The following C10orf67 variants were observed in gnomAD, a reference collection of about 807,000 sequenced individuals.
C10orf67 encodes the protein uncharacterized protein C10orf67, mitochondrial.
Under a neutral mutation model 35.6 loss-of-function variants are expected in C10orf67, and 60 were observed. The observed-to-expected ratio is 1.68, with a 90% CI of 1.37 to 2.09. C10orf67 has a LOEUF of 2.09. Ranked by LOEUF, C10orf67 falls within the 30% of genes most tolerant of loss-of-function variation. C10orf67 has a pLI of 0.00. For synonymous variants in C10orf67, 167 were observed against 115.8 expected, an observed-to-expected ratio of 1.44 and a Z score of -2.84; for missense variants, 474 against 330.2, an observed-to-expected ratio of 1.44 and a Z score of -3.38.
intron 15 of C10orf67, among the ~76,000 whole-genome samples, chr10:23,204,646 C>G (rs766282090): frequency 1.2e-4 from 18 of 152,152 alleles, no homozygotes; most frequent in Non-Finnish European, 1.5e-5. Context: ...TTTGATTTTT[C>G]CAAGTTTTAA....
At chr10:23,323,096 G>A (rs901144204) in intron 2 of C10orf67, among the ~76,000 whole-genome samples, 8 of 152,134 alleles carry the variant, frequency 5.3e-5, no homozygotes, top group Admixed American at 2.0e-4. Context: ...TAAAAGACAA[G>A]AGTTTCCTAG....
At chr10:23,309,338 C>G (rs71493317) in intron 4 of C10orf67, among the ~76,000 whole-genome samples, 4 of 152,048 alleles carry the variant, frequency 2.6e-5, no homozygotes, top group Non-Finnish European at 2.9e-5. Flanking sequence ...AGCTAAACAA[C>G]GGGTACACAT....
At position 23,320,794 on chromosome 10, in the gene C10orf67, A is replaced by AT; in HGVS notation, c.492dup (p.Ser165IlefsTer8). The AT allele has an allele frequency of 6.3e-7, 1 of 1,587,056 alleles. No individual in the cohort carries two copies. The highest frequency in any genetic ancestry group is 8.6e-7 in the Non-Finnish European group (1 of 1,165,590). On this transcript the variant is annotated frameshift_variant, in exon 4 of 16. Transcript: ENST00000636213. LOFTEE classifies it high-confidence loss of function. ...GCATCAGCTAACTGCTGATTGAAGG[A>AT]TTTTCTCATCTTATCCTCATTCTGC...
At chr10:23,233,883 T>C (rs1366218301) in intron 13 of C10orf67, among the ~76,000 whole-genome samples, 1 of 152,144 alleles carries the variant, frequency 6.6e-6, no homozygotes, top group African/African-American at 2.4e-5. Flanking sequence ...ACAAGTAAAA[T>C]GCAGTTCATA....
In C10orf67 at chr10:23,203,387, A is replaced by G. The variant is rs1841072724; in HGVS notation, c.*786T>C. ...AGTATATCAGCTTTATGTGACAACT[A>G]CCACAAATATATTTCCTGAGACTTA... On this transcript the variant is annotated 3_prime_UTR_variant, in exon 16 of 16. Coordinates refer to ENST00000636213, the MANE Select transcript of C10orf67 (RefSeq NM_001371909.1). The G allele has an allele frequency of 6.6e-6, 1 of 152,220 alleles. No individual in the cohort carries two copies. The highest frequency in any genetic ancestry group is 2.4e-5 in the African/African-American group (1 of 41,462). The allele number at this position is 152,220 out of a possible 1,614,324, so 9.4% of individuals were successfully genotyped here. A position where few individuals can be genotyped will look rare whatever the true frequency, so the allele number is the denominator to read the frequency against.
At chr10:23,238,539 C>A (rs11013346) in intron 13 of C10orf67, among the ~76,000 whole-genome samples, 4,902 of 152,256 alleles carry the variant, frequency 0.032, 245 homozygotes, top group African/African-American at 0.11. Context: ...GGATCTACTC[C>A]TGTGCTTGAA....
intron 8 of C10orf67, among the ~76,000 whole-genome samples, chr10:23,270,697 G>A (rs185323465): frequency 6.6e-6 from 1 of 152,354 alleles, no homozygotes; most frequent in African/African-American, 2.4e-5. Context: ...TTCCCAGGGG[G>A]AGAGGCGGCT....
At chr10:23,342,149 G>C (rs1333677240) in intron 1 of C10orf67, among the ~76,000 whole-genome samples, 1 of 151,880 alleles carries the variant, frequency 6.6e-6, no homozygotes, top group East Asian at 1.9e-4. Context: ...GGGTGACAGA[G>C]TGAGACCCTG....
chr10:23,307,954 T>C (rs1175818071), intron 4 of C10orf67, among the ~76,000 whole-genome samples: 3 of 152,320 alleles, frequency 2.0e-5, no homozygotes, highest in Non-Finnish European at 4.4e-5. Flanking sequence ...TGATTATGTA[T>C]ATCTAGTCTT....
At chr10:23,206,002 A>G (rs892790589) in intron 15 of C10orf67, among the ~76,000 whole-genome samples, 1 of 152,230 alleles carries the variant, frequency 6.6e-6, no homozygotes, top group Non-Finnish European at 1.5e-5. Flanking sequence ...ATAAATTGCA[A>G]TTCAAAAGCA....
chr10:23,231,595 G>A (rs140284084), intron 13 of C10orf67, among the ~76,000 whole-genome samples: 1 of 152,258 alleles, frequency 6.6e-6, no homozygotes, highest in African/African-American at 2.4e-5. Context: ...AATCACAGCA[G>A]CTTACCCATA....
intron 15 of C10orf67, among the ~76,000 whole-genome samples, chr10:23,221,978 T>A (rs567616267): frequency 6.6e-6 from 1 of 152,350 alleles, no homozygotes; most frequent in South Asian, 2.1e-4. Flanking sequence ...AGGCATCTGG[T>A]GTGAGCATTT....
At chr10:23,272,507 A>G (rs921315809) in intron 8 of C10orf67, among the ~76,000 whole-genome samples, 12 of 152,256 alleles carry the variant, frequency 7.9e-5, no homozygotes, top group African/African-American at 2.7e-4. Context: ...TATATGATCC[A>G]TAAGTTCTAC....
intron 12 of C10orf67, among the ~76,000 whole-genome samples, chr10:23,245,156 A>G (rs560798585): frequency 6.6e-6 from 1 of 152,316 alleles, no homozygotes; most frequent in South Asian, 2.1e-4. Context: ...GGGTATCTAC[A>G]TGAAAAAGGA....
intron 12 of C10orf67, among the ~76,000 whole-genome samples, chr10:23,240,207 C>T (rs998292932): frequency 6.6e-6 from 1 of 150,730 alleles, no homozygotes; most frequent in East Asian, 1.9e-4. Context: ...AACCAAAAAC[C>T]ACACACACAC....
At chr10:23,339,855 G>A (rs1464314907) in intron 1 of C10orf67, among the ~76,000 whole-genome samples, 3 of 152,280 alleles carry the variant, frequency 2.0e-5, no homozygotes, top group South Asian at 2.1e-4. Context: ...TCTGGACCCT[G>A]AGTGCTACAT....
chr10:23,259,188 T>C (rs1842681890), intron 10 of C10orf67, among the ~76,000 whole-genome samples: 7 of 152,224 alleles, frequency 4.6e-5, no homozygotes, highest in Admixed American at 4.6e-4. Flanking sequence ...TAGTGAGCTC[T>C]AATTTGGTTC....
intron 13 of C10orf67, among the ~76,000 whole-genome samples, chr10:23,228,390 T>A (rs940754887): frequency 6.6e-6 from 1 of 152,132 alleles, no homozygotes; most frequent in Non-Finnish European, 1.5e-5. Flanking sequence ...TAGCCATATA[T>A]AGAAAGCTGA....
intron 4 of C10orf67, chr10:23,318,993 C>A (rs151129878): frequency 4.2e-6 from 3 of 721,062 alleles, no homozygotes; most frequent in African/African-American, 3.5e-5. Context: ...CCATGAGAAC[C>A]CTTTTTTTTC....
Sources: allele counts gnomAD v4.1 joint callset (sites outside exome capture counted in the v4.1 genomes callset), GRCh38; gene constraint gnomAD v4.1.1; transcripts MANE v1.5; gene names NCBI Gene and HGNC (gene_info 2026-07-23, HGNC 2026-07-21).